Variants in ZPBP observed in about 807,000 individuals in gnomAD.
ZPBP encodes zona pellucida-binding protein 1.
Under a neutral mutation model 44.8 loss-of-function variants are expected in ZPBP, and 26 were observed. The observed-to-expected ratio is 0.58, with a 90% CI of 0.43 to 0.81. ZPBP has a LOEUF of 0.81. Ranked by LOEUF, ZPBP falls within the 30% of genes least tolerant of loss-of-function variation. ZPBP has a pLI of 0.00. For missense variants in ZPBP, 409 were observed against 434.0 expected, an observed-to-expected ratio of 0.94 and a Z score of 0.51; for synonymous variants, 174 against 153.2, an observed-to-expected ratio of 1.14 and a Z score of -1.00.
chr7:50,092,920 C>A, intron 1 of ZPBP, 148 bp downstream of exon 1: 1 of 1,239,730 alleles, frequency 8.1e-7, no homozygotes, highest in Non-Finnish European at 1.1e-6. Context: ...GTACGACTTC[C>A]ATAAAAAATA....
intron 5 of ZPBP, among the ~76,000 whole-genome samples, 179 bp downstream of exon 5, chr7:50,030,913 C>A (rs939793440): frequency 1.3e-5 from 2 of 152,060 alleles, no homozygotes; most frequent in East Asian, 3.8e-4. Flanking sequence ...CATTAGTACA[C>A]GAATCAGCAG....
chr7:49,927,158 T>C (rs1468690310), intron 1 of ZPBP, among the ~76,000 whole-genome samples: 1 of 152,204 alleles, frequency 6.6e-6, no homozygotes, highest in Admixed American at 6.5e-5. Flanking sequence ...TACTCAGATA[T>C]GTCACAGAGG....
chr7:50,022,982 G>T (rs1584062779), intron 5 of ZPBP, among the ~76,000 whole-genome samples: 1 of 152,018 alleles, frequency 6.6e-6, no homozygotes, highest in African/African-American at 2.4e-5. Flanking sequence ...AAGTTCTCAG[G>T]GTTAAGACTG....
At chr7:49,940,787 T>A in intron 7 of ZPBP, 1 of 985,244 alleles carries the variant, frequency 1.0e-6, no homozygotes, top group Non-Finnish European at 1.2e-6. Flanking sequence ...CAGAGCAGAC[T>A]AAATTTATGA....
In ZPBP at chr7:49,983,367, T is replaced by C; in HGVS notation, c.936A>G (p.Gln312=). The part of the protein sequence containing the change: ...CFPGYGMNVQ[Q]HPKCPECCVI... The stretch of plus-strand genomic sequence containing the variant: ...CACAGCACTCAGGACATTTTGGATG[T>C]TGCTGGACATTCATTCCATATCCTG... The change falls in exon 7 of 8, where the codon CAA becomes CAG. Residue 312 remains glutamine, a synonymous_variant. Coordinates refer to ENST00000046087, the MANE Select transcript of ZPBP (RefSeq NM_007009.3). 1 of 1,613,586 alleles carries C rather than the reference T, an allele frequency of 6.2e-7. No individual in the cohort carries two copies. The highest frequency in any genetic ancestry group is 8.5e-7 in the Non-Finnish European group (1 of 1,179,680).
intron 1 of ZPBP, among the ~76,000 whole-genome samples, 183 bp from the exon 2 acceptor site, chr7:50,089,892 GCTT>G (rs1196355470): frequency 6.6e-6 from 1 of 151,926 alleles, no homozygotes; most frequent in Non-Finnish European, 1.5e-5. Context: ...TCTACGTACT[GCTT>G]CTCCATATTA....
At chr7:49,952,964 C>G (rs1795411650) in intron 7 of ZPBP, among the ~76,000 whole-genome samples, 1 of 151,924 alleles carries the variant, frequency 6.6e-6, no homozygotes, top group Non-Finnish European at 1.5e-5. Context: ...AATAATAATT[C>G]AATATACATG....
Position 49,863,760 on chromosome 7 carries a change from T to C in ZPBP, n.510-13246A>G, listed in dbSNP as rs1562738769. ...TTTCTATTCTCTATTTTGTTTATCC[T>C]GTGCTAATCTGTATTATTTCCTTCC... On this transcript the variant is annotated intron_variant and non_coding_transcript_variant, in intron 2 of 2. Transcript: ENST00000465922. Among the ~76,000 whole-genome samples the C allele has an allele frequency of 1.3e-5, 2 of 152,312 alleles. 1 individual carries two copies. The highest frequency in any genetic ancestry group is 3.9e-4 in the East Asian group (2 of 5,182).
intron 7 of ZPBP, among the ~76,000 whole-genome samples, chr7:49,962,996 T>C (rs1795915805): frequency 6.7e-6 from 1 of 150,030 alleles, no homozygotes; most frequent in Non-Finnish European, 1.5e-5. Flanking sequence ...CCAAAATATA[T>C]AAAAAATCTT....
intron 2 of ZPBP, among the ~76,000 whole-genome samples, chr7:49,864,406 T>C (rs1244817217): frequency 6.6e-6 from 1 of 152,136 alleles, no homozygotes; most frequent in Admixed American, 6.5e-5. Flanking sequence ...TTCTCAGTTT[T>C]TTTCTGATCA....
At chr7:50,058,367 A>G (rs1209457692) in intron 3 of ZPBP, among the ~76,000 whole-genome samples, 1 of 152,184 alleles carries the variant, frequency 6.6e-6, no homozygotes, top group African/African-American at 2.4e-5. Context: ...ATTGCTGCCT[A>G]AGTAGAAAGA....
intron 2 of ZPBP, among the ~76,000 whole-genome samples, chr7:49,871,950 CA>C (rs1791173364): frequency 9.9e-6 from 1 of 101,096 alleles, no homozygotes; most frequent in African/African-American, 4.7e-5. Context: ...CACACACACA[CA>C]CACACACCGA....
chr7:50,023,036 C>T (rs1219592137), intron 5 of ZPBP, among the ~76,000 whole-genome samples: 1 of 152,010 alleles, frequency 6.6e-6, no homozygotes, highest in African/African-American at 2.4e-5. Flanking sequence ...AGAAAAGTAA[C>T]CACTTAGAAG....
intron 6 of ZPBP, among the ~76,000 whole-genome samples, chr7:50,012,903 T>TAA (rs35531155): frequency 6.6e-6 from 1 of 151,374 alleles, no homozygotes; most frequent in African/African-American, 2.4e-5. Context: ...CAGTAATCTG[T>TAA]AAAAAAACTC....
intron 7 of ZPBP, among the ~76,000 whole-genome samples, chr7:49,953,406 G>A (rs1376505804): frequency 6.6e-6 from 1 of 152,108 alleles, no homozygotes; most frequent in Non-Finnish European, 1.5e-5. Flanking sequence ...TCAGGATAAT[G>A]AACAGTGTCT....
chr7:50,029,701 A>G (rs1177182929), intron 5 of ZPBP, among the ~76,000 whole-genome samples: 1 of 152,222 alleles, frequency 6.6e-6, no homozygotes, highest in African/African-American at 2.4e-5. Flanking sequence ...ACAGATAACC[A>G]ATGAGCACAG....
chr7:49,857,452 T>C (rs184756268), intron 2 of ZPBP, among the ~76,000 whole-genome samples: 1 of 152,326 alleles, frequency 6.6e-6, no homozygotes, highest in Non-Finnish European at 1.5e-5. Context: ...TTGAGTTGTT[T>C]CCATATCTTA....
At position 50,031,775 on chromosome 7, in the gene ZPBP, T is replaced by C. The variant is rs145779467; in HGVS notation, c.488-465A>G. On this transcript the variant is annotated intron_variant, in intron 4 of 7. Transcript: ENST00000046087. ...AACAATATTCAAAAATATATGTTTC[T>C]AATAAATACACAATTAGTTTTATTG... 4.8e-3 allele frequency among the ~76,000 whole-genome samples: 732 copies of C among 152,264 alleles called. 3 individuals are homozygous for C. Among genetic ancestry groups the C allele is most frequent in the African/African-American group, 0.017 (700 of 41,556 alleles).
intron 3 of ZPBP, among the ~76,000 whole-genome samples, chr7:50,081,208 A>G (rs978431199): frequency 2.6e-5 from 4 of 151,826 alleles, no homozygotes; most frequent in Non-Finnish European, 5.9e-5. Context: ...TAAGATTTTT[A>G]AAAAGAAAGG....
Sources: gnomAD v4.1 joint callset for allele counts (sites outside exome capture counted in the v4.1 genomes callset) on GRCh38, gnomAD v4.1.1 for gene constraint, MANE v1.5 for transcripts, NCBI Gene and HGNC (gene_info 2026-07-23, HGNC 2026-07-21) for gene names.